Variants in IGSF21 observed in about 807,000 individuals in gnomAD.
IGSF21 encodes the protein immunoglobin superfamily member 21, also known as immunoglobulin superfamily member 21.
Under a neutral mutation model 46.8 loss-of-function variants are expected in IGSF21, and 28 were observed. The ratio of observed to expected loss-of-function variants is 0.60; its 90% CI spans 0.44 to 0.82. The LOEUF (loss-of-function observed/expected upper bound fraction) is 0.82, where lower values mean the gene tolerates loss of function less well. Among genes scored for constraint, IGSF21 ranks in the 40% least tolerant of loss-of-function variants. The pLI, the probability that IGSF21 is intolerant of heterozygous loss-of-function variation, is 0.00. For missense variants in IGSF21, 624 were observed against 665.5 expected, an observed-to-expected ratio of 0.94 and a Z score of 0.69; for synonymous variants, 284 against 273.6, an observed-to-expected ratio of 1.04 and a Z score of -0.38.
intron 6 of IGSF21, among the ~76,000 whole-genome samples, chr1:18,373,789 C>T (rs1477763167): frequency 6.6e-6 from 1 of 152,202 alleles, no homozygotes; most frequent in Non-Finnish European, 1.5e-5. Context: ...CACTGCCCCC[C>T]TGGAGGGCCA....
Position 18,335,947 on chromosome 1 carries a change from T to C in IGSF21, c.424+937T>C, listed in dbSNP as rs1557649289. Among the ~76,000 whole-genome samples the C allele has an allele frequency of 6.6e-6, 1 of 152,160 alleles. No homozygotes were observed. The highest frequency in any genetic ancestry group is 2.4e-5 in the African/African-American group (1 of 41,448). On this transcript the variant is annotated intron_variant, in intron 4 of 9. Coordinates refer to ENST00000251296, the MANE Select transcript of IGSF21 (RefSeq NM_032880.5). The surrounding 1 kb of genome is among the most constrained non-coding windows in gnomAD (Gnocchi z 4.8). ...AAAGCCCCTCTCTCGCAGTTACTCA[T>C]GCACCACTCAGCTCCTCTGATAAAG...
intron 1 of IGSF21, among the ~76,000 whole-genome samples, chr1:18,153,664 C>T (rs9661646): frequency 0.12 from 17,599 of 149,788 alleles, 1,131 homozygotes; most frequent in Middle Eastern, 0.21. Context: ...AATGAGGCAA[C>T]TGAGGGTCAG....
intron 1 of IGSF21, among the ~76,000 whole-genome samples, chr1:18,121,705 C>T (rs552364977): frequency 2.0e-5 from 3 of 152,292 alleles, no homozygotes; most frequent in East Asian, 3.9e-4. Context: ...GCCATTCCTA[C>T]GTGCTCAGTG....
chr1:18,134,235 G>A (rs1167700782), intron 1 of IGSF21, among the ~76,000 whole-genome samples: 3 of 152,202 alleles, frequency 2.0e-5, no homozygotes, highest in Middle Eastern at 6.8e-3. Flanking sequence ...CCATTACCTG[G>A]GGAGCTGGCA....
chr1:18,256,273 G>A (rs572217162), intron 2 of IGSF21, among the ~76,000 whole-genome samples: 17 of 152,196 alleles, frequency 1.1e-4, no homozygotes, highest in Admixed American at 3.3e-4. Context: ...AGATGCTTCT[G>A]CACTGAGACG....
intron 1 of IGSF21, among the ~76,000 whole-genome samples, chr1:18,206,998 G>A (rs1570336733): frequency 1.3e-5 from 2 of 152,174 alleles, no homozygotes; most frequent in African/African-American, 4.8e-5. Flanking sequence ...GGGCTCACAA[G>A]GTCAAAATCA....
At position 18,376,967 on chromosome 1, in the gene IGSF21, C is replaced by G. The variant is rs771462977; in HGVS notation, c.1269C>G (p.Asp423Glu). 2.5e-6 allele frequency: 4 copies of G among 1,596,968 alleles called. No individual in the cohort carries two copies. The highest frequency in any genetic ancestry group is 3.4e-6 in the Non-Finnish European group (4 of 1,166,596). Residue 423 changes from aspartate to glutamate, a missense_variant, in exon 8 of 10, where the codon GAC becomes GAG. Asp to Glu is a conservative substitution (Grantham distance 45). Coordinates refer to ENST00000251296, the MANE Select transcript of IGSF21 (RefSeq NM_032880.5). ...CCCAGAACCCACTGGGCTCCACCGACACGCACACCCGGCTCATCGTGTTTG... is the reference window on the plus strand; with the variant it reads ...CCCAGAACCCACTGGGCTCCACCGAGACGCACACCCGGCTCATCGTGTTTG... ...CTAQNPLGSTDTHTRLIVFEN... is the reference protein window; with the variant it reads ...CTAQNPLGSTETHTRLIVFEN...
At chr1:18,318,597 G>C (rs1489867862) in intron 3 of IGSF21, among the ~76,000 whole-genome samples, 1 of 151,992 alleles carries the variant, frequency 6.6e-6, no homozygotes, top group Admixed American at 6.6e-5. Context: ...TCAGGTGGAT[G>C]CCACCCCACT....
At chr1:18,301,123 T>C (rs1280892168) in intron 3 of IGSF21, among the ~76,000 whole-genome samples, 5 of 152,226 alleles carry the variant, frequency 3.3e-5, no homozygotes, top group African/African-American at 1.2e-4. Context: ...CTCAGACTCA[T>C]TGAATCCTGT....
intron 1 of IGSF21, among the ~76,000 whole-genome samples, chr1:18,195,763 G>A (rs946628306): frequency 6.6e-6 from 1 of 152,226 alleles, no homozygotes; most frequent in African/African-American, 2.4e-5. Context: ...ACACAATTAT[G>A]TGTTCAAAGC....
intron 3 of IGSF21, among the ~76,000 whole-genome samples, chr1:18,312,244 G>A (rs991062295): frequency 2.0e-5 from 3 of 152,206 alleles, no homozygotes; most frequent in Non-Finnish European, 4.4e-5. Flanking sequence ...TGAATTAAAT[G>A]AATCCGCAAA....
At chr1:18,342,033 T>G (rs945478198) in intron 4 of IGSF21, among the ~76,000 whole-genome samples, 2 of 148,484 alleles carry the variant, frequency 1.3e-5, no homozygotes, top group African/African-American at 4.9e-5. Flanking sequence ...TTTTATTAAG[T>G]GTGCCTGGTG....
chr1:18,357,189 T>G (rs1309200541), intron 4 of IGSF21, among the ~76,000 whole-genome samples: 6 of 91,786 alleles, frequency 6.5e-5, no homozygotes, highest in East Asian at 3.2e-4. Context: ...GAGATGGAGA[T>G]GGAGATGGGA....
chr1:18,211,456 T>C (rs187007127), intron 1 of IGSF21, among the ~76,000 whole-genome samples: 2 of 152,358 alleles, frequency 1.3e-5, no homozygotes, highest in East Asian at 3.9e-4. Context: ...AAATTCCCTT[T>C]GCAAATTTCC....
chr1:18,278,532 TTTG>T (rs1179849620), intron 2 of IGSF21, among the ~76,000 whole-genome samples: 62 of 72,134 alleles, frequency 8.6e-4, no homozygotes, highest in African/African-American at 3.9e-3. Flanking sequence ...TAAGGTTTTT[TTTG>T]TTTGTTTGTT....
intron 1 of IGSF21, among the ~76,000 whole-genome samples, chr1:18,178,053 G>A (rs1407900907): frequency 1.3e-5 from 2 of 152,110 alleles, no homozygotes; most frequent in Non-Finnish European, 2.9e-5. Flanking sequence ...ACCTTGAAGT[G>A]TGAGGTTGTC....
intron 1 of IGSF21, among the ~76,000 whole-genome samples, chr1:18,175,483 G>A (rs1327143904): frequency 6.6e-6 from 1 of 152,166 alleles, no homozygotes; most frequent in Non-Finnish European, 1.5e-5. Context: ...GAATAACAAG[G>A]GCAGCTCCTT....
intron 6 of IGSF21, among the ~76,000 whole-genome samples, chr1:18,369,346 G>C (rs1194767536): frequency 6.6e-6 from 1 of 152,224 alleles, no homozygotes; most frequent in African/African-American, 2.4e-5. Flanking sequence ...TTCCTCACCA[G>C]GTCTCCTTTA....
intron 4 of IGSF21, among the ~76,000 whole-genome samples, chr1:18,345,115 AT>A (rs1309365011): frequency 2.0e-5 from 3 of 152,222 alleles, no homozygotes; most frequent in African/African-American, 7.2e-5. Flanking sequence ...GGACAAGCCC[AT>A]TCCCAAGCCC....
Sources: allele counts gnomAD v4.1 joint callset (sites outside exome capture counted in the v4.1 genomes callset), GRCh38; gene constraint gnomAD v4.1.1; non-coding constraint Gnocchi (gnomAD v3.1); transcripts MANE v1.5; gene names NCBI Gene and HGNC (gene_info 2026-07-23, HGNC 2026-07-21).